The following KCNIP4 variants were observed in gnomAD, a reference collection of about 807,000 sequenced individuals.
The protein encoded by KCNIP4 is Kv channel-interacting protein 4.
Under a neutral mutation model 34.0 loss-of-function variants are expected in KCNIP4, and 12 were observed. That is an observed-to-expected ratio of 0.35 (90% CI 0.23 to 0.57). The LOEUF (loss-of-function observed/expected upper bound fraction) is 0.57. Among genes scored for constraint, KCNIP4 ranks in the 20% least tolerant of loss-of-function variants. The pLI is 0.83. For missense variants in KCNIP4, 238 were observed against 311.7 expected, an observed-to-expected ratio of 0.76 and a Z score of 1.78; for synonymous variants, 124 against 102.2, an observed-to-expected ratio of 1.21 and a Z score of -1.29.
chr4:20,751,650 C>CATAAATAATGG (rs1753660534), intron 4 of KCNIP4, among the ~76,000 whole-genome samples: 1 of 152,028 alleles, frequency 6.6e-6, no homozygotes, highest in Non-Finnish European at 1.5e-5. Context: ...CAGTACTCAC[C>CATAAATAATGG]ATAAATAATG....
chr4:21,776,212 T>G (rs1359072202), intron 1 of KCNIP4, among the ~76,000 whole-genome samples: 1 of 152,194 alleles, frequency 6.6e-6, no homozygotes, highest in Non-Finnish European at 1.5e-5. Context: ...GGCTCTGAGG[T>G]AAGCTGCTGC....
intron 1 of KCNIP4, among the ~76,000 whole-genome samples, chr4:21,773,206 T>C (rs1329089490): frequency 2.0e-5 from 3 of 152,178 alleles, no homozygotes; most frequent in Non-Finnish European, 2.9e-5. Context: ...GCTGTCCAAT[T>C]TCCATGAAAT....
At chr4:21,133,914 C>T (rs1242379480) in intron 1 of KCNIP4, among the ~76,000 whole-genome samples, 1 of 152,180 alleles carries the variant, frequency 6.6e-6, no homozygotes, top group Non-Finnish European at 1.5e-5. Flanking sequence ...TTTTCTAACT[C>T]AAAGTTTCTC....
At chr4:20,853,399 C>A (rs867910817) in intron 2 of KCNIP4, among the ~76,000 whole-genome samples, 1 of 152,144 alleles carries the variant, frequency 6.6e-6, no homozygotes, top group Non-Finnish European at 1.5e-5. Flanking sequence ...GGAAAGGACA[C>A]CCTTTTCAAC....
chr4:20,737,767 ATTAT>A (rs934799528), intron 5 of KCNIP4, among the ~76,000 whole-genome samples: 3 of 152,198 alleles, frequency 2.0e-5, no homozygotes, highest in Non-Finnish European at 4.4e-5. Context: ...ATTTTAGAAA[ATTAT>A]TTATGACATA....
At chr4:20,942,224 G>A (rs939956624) in intron 1 of KCNIP4, among the ~76,000 whole-genome samples, 1 of 152,158 alleles carries the variant, frequency 6.6e-6, no homozygotes, top group African/African-American at 2.4e-5. Context: ...TTAAGTGAGT[G>A]TGAGGAGAAG....
intron 1 of KCNIP4, among the ~76,000 whole-genome samples, chr4:21,487,099 C>T (rs1731987006): frequency 6.6e-6 from 1 of 152,224 alleles, no homozygotes; most frequent in Non-Finnish European, 1.5e-5. Flanking sequence ...CTGTGTCCAG[C>T]CCCATGTTTT....
chr4:21,136,479 C>T (rs1022135497), intron 1 of KCNIP4, among the ~76,000 whole-genome samples: 1 of 152,158 alleles, frequency 6.6e-6, no homozygotes, highest in Non-Finnish European at 1.5e-5. Flanking sequence ...TGGGTTTTCA[C>T]TGGGTTTGTA....
intron 1 of KCNIP4, among the ~76,000 whole-genome samples, chr4:21,303,048 T>A (rs1002308756): frequency 1.3e-5 from 2 of 152,202 alleles, no homozygotes; most frequent in African/African-American, 4.8e-5. Flanking sequence ...TCTGAGCAGT[T>A]AGAAAATTAT....
intron 1 of KCNIP4, among the ~76,000 whole-genome samples, chr4:21,137,996 C>T (rs191257086): frequency 1.9e-4 from 29 of 151,480 alleles, no homozygotes; most frequent in Admixed American, 1.5e-3. Context: ...CTCAGCCTCC[C>T]GAGTAGCTGG....
chr4:20,983,715 C>G lies in KCNIP4; in HGVS notation c.62-101006G>C, dbSNP rs146628229. 1,472 of 994,200 alleles carry G rather than the reference C, an allele frequency of 1.5e-3. 18 individuals carry two copies. The African/African-American group carries it at 0.022, about 15-fold the overall frequency. 61.6% of individuals were successfully genotyped at this position (994,200 alleles called of 1,614,324 possible). A position where few individuals can be genotyped will look rare whatever the true frequency, so the allele number is the denominator to read the frequency against. On this transcript the variant is annotated intron_variant, in intron 1 of 8. Transcript: ENST00000382152. Reference sequence around the variant, plus strand: ...TATGCCAAACATGCATATTTTAAAACTTTTACTTTGAGTATTAAGGCTTCT... The same window carrying G: ...TATGCCAAACATGCATATTTTAAAAGTTTTACTTTGAGTATTAAGGCTTCT...
chr4:21,648,906 T>C (rs1287447053), intron 1 of KCNIP4, among the ~76,000 whole-genome samples: 1 of 152,204 alleles, frequency 6.6e-6, no homozygotes, highest in Non-Finnish European at 1.5e-5. Context: ...TGCTTTATGA[T>C]ATATACTCCT....
chr4:21,023,007 G>T (rs2149751093), intron 1 of KCNIP4, among the ~76,000 whole-genome samples: 1 of 152,090 alleles, frequency 6.6e-6, no homozygotes, highest in South Asian at 2.1e-4. Flanking sequence ...ATTTTTAGTA[G>T]AGACAGGGTT....
At chr4:20,855,480 A>G (rs961491157) in intron 2 of KCNIP4, among the ~76,000 whole-genome samples, 7 of 152,148 alleles carry the variant, frequency 4.6e-5, no homozygotes, top group Non-Finnish European at 7.4e-5. Context: ...TTGGAAATGT[A>G]GTCCTTTTTG....
chr4:21,720,284 T>C (rs1157363823), intron 1 of KCNIP4, among the ~76,000 whole-genome samples: 1 of 151,970 alleles, frequency 6.6e-6, no homozygotes, highest in Non-Finnish European at 1.5e-5. Flanking sequence ...CTCCAATTTT[T>C]TTCATGTAAA....
At chr4:20,760,429 C>T (rs751778032) in intron 3 of KCNIP4, among the ~76,000 whole-genome samples, 8 of 152,190 alleles carry the variant, frequency 5.3e-5, no homozygotes, top group Admixed American at 1.3e-4. Context: ...TGTTCCCTCA[C>T]TAATAAACTT....
chr4:21,356,200 C>T (rs894647383), intron 1 of KCNIP4, among the ~76,000 whole-genome samples: 10 of 152,004 alleles, frequency 6.6e-5, no homozygotes, highest in African/African-American at 2.4e-4. Context: ...TATGACAAAC[C>T]CACAGCAAAT....
At chr4:20,902,769 C>T (rs1291000667) in intron 1 of KCNIP4, among the ~76,000 whole-genome samples, 1 of 152,166 alleles carries the variant, frequency 6.6e-6, no homozygotes, top group East Asian at 1.9e-4. Flanking sequence ...ATCCACCCTC[C>T]TTGGCCTCCC....
intron 4 of KCNIP4, among the ~76,000 whole-genome samples, chr4:20,752,122 G>A (rs373596331): frequency 1.4e-5 from 2 of 140,452 alleles, no homozygotes; most frequent in South Asian, 2.5e-4. Context: ...GCAATGGCAC[G>A]ATCTCGGGTC....
Sources: gnomAD v4.1 joint callset for allele counts (sites outside exome capture counted in the v4.1 genomes callset) on GRCh38, gnomAD v4.1.1 for gene constraint, MANE v1.5 for transcripts, NCBI Gene and HGNC (gene_info 2026-07-23, HGNC 2026-07-21) for gene names.